The following PTPRN2 variants were observed in gnomAD, a reference collection of about 807,000 sequenced individuals.
PTPRN2 encodes the protein protein tyrosine phosphatase receptor type N2.
Under a neutral mutation model 118.8 loss-of-function variants are expected in PTPRN2, and 74 were observed. That is an observed-to-expected ratio of 0.62 (90% CI 0.52 to 0.76). The LOEUF (loss-of-function observed/expected upper bound fraction) is 0.76, where lower values mean the gene tolerates loss of function less well. Ranked by LOEUF, PTPRN2 falls within the 30% of genes least tolerant of loss-of-function variation. The pLI is 0.00. For synonymous variants in PTPRN2, 641 were observed against 608.0 expected (o/e 1.05, Z -0.80); for missense variants, 1,481 against 1,394.4 (o/e 1.06, Z -0.99).
chr7:158,348,553 G>C (rs796666501), intron 2 of PTPRN2, among the ~76,000 whole-genome samples: 1 of 152,070 alleles, frequency 6.6e-6, no homozygotes, highest in Non-Finnish European at 1.5e-5. Flanking sequence ...TATGCCCCAC[G>C]TGAGTCTGTG....
rs1425172697 is a variant in PTPRN2 at position 157,676,296 on chromosome 7, C to G, written c.2001+6429G>C. On this transcript the variant is annotated intron_variant, in intron 13 of 22. Coordinates refer to ENST00000389418, the MANE Select transcript of PTPRN2 (RefSeq NM_002847.5). The surrounding 1 kb of genome is among the most constrained non-coding windows in gnomAD (Gnocchi z 5.6). ...GGCTCCAGCACCTGCCCCAGCCACGCCTCCATCTCCCGCCAGCCGCCAAGA... is the reference window on the plus strand; with the variant it reads ...GGCTCCAGCACCTGCCCCAGCCACGGCTCCATCTCCCGCCAGCCGCCAAGA... 6.6e-6 allele frequency among the ~76,000 whole-genome samples: 1 copy of G among 152,138 alleles called. No homozygotes were observed. Among genetic ancestry groups the G allele is most frequent in the Non-Finnish European group, 1.5e-5 (1 of 68,016 alleles).
At chr7:157,921,805 A>G (rs1027933401) in intron 11 of PTPRN2, among the ~76,000 whole-genome samples, 3 of 152,228 alleles carry the variant, frequency 2.0e-5, no homozygotes, top group Admixed American at 1.3e-4. Flanking sequence ...ACCCTGTCTC[A>G]GGAATTTTAT....
rs1487261240 is a variant in PTPRN2 at position 158,570,096 on chromosome 7, G to A, written c.112+17462C>T. ...CCCAGGCAGGGGGAAGCCCCGAGAA[G>A]CCGCCGCGCCGGGCTGAGATCGGGC... On this transcript the variant is annotated intron_variant, in intron 1 of 22. Transcript: ENST00000389418. The surrounding 1 kb of genome is among the most constrained non-coding windows in gnomAD (Gnocchi z 4.5). 6.6e-6 allele frequency among the ~76,000 whole-genome samples: 1 copy of A among 152,154 alleles called. No homozygotes were observed. The highest frequency in any genetic ancestry group is 2.1e-4 in the South Asian group (1 of 4,834).
Position 157,860,372 on chromosome 7 carries a change from G to A in PTPRN2, c.1788+38301C>T, listed in dbSNP as rs868265123. 9.2e-5 allele frequency among the ~76,000 whole-genome samples: 14 copies of A among 152,168 alleles called. No homozygotes were observed. The South Asian group carries it at 1.9e-3, about 20-fold the overall frequency. On this transcript the variant is annotated intron_variant, in intron 12 of 22. Coordinates refer to ENST00000389418, the MANE Select transcript of PTPRN2 (RefSeq NM_002847.5). Reference sequence around the variant, plus strand: ...ACCCCACAGTCCACCCACAGCCTTCGCGCCTCTCCAGGAGCTGGGCCACTT... The same window carrying A: ...ACCCCACAGTCCACCCACAGCCTTCACGCCTCTCCAGGAGCTGGGCCACTT...
At chr7:158,198,375 A>G (rs1826379857) in intron 4 of PTPRN2, among the ~76,000 whole-genome samples, 1 of 152,212 alleles carries the variant, frequency 6.6e-6, no homozygotes, top group Non-Finnish European at 1.5e-5. Context: ...CTTTAAAAAG[A>G]TGAAAAATGT....
At chr7:158,261,694 C>T (rs1797409943) in intron 3 of PTPRN2, among the ~76,000 whole-genome samples, 1 of 152,192 alleles carries the variant, frequency 6.6e-6, no homozygotes, top group African/African-American at 2.4e-5. Context: ...ACATGGGTCC[C>T]TGTCTGGGCA....
intron 11 of PTPRN2, among the ~76,000 whole-genome samples, chr7:157,902,664 G>A (rs771135230): frequency 6.6e-6 from 1 of 152,210 alleles, no homozygotes; most frequent in Admixed American, 6.5e-5. Flanking sequence ...AGTGTGACGC[G>A]CGTCAGGATT....
In PTPRN2 at chr7:158,555,413, C is replaced by T. The variant is rs774445880; in HGVS notation, c.112+32145G>A. 3.3e-5 allele frequency among the ~76,000 whole-genome samples: 5 copies of T among 152,186 alleles called. No homozygotes were observed. The highest frequency in any genetic ancestry group is 1.9e-4 in the East Asian group (1 of 5,180). On this transcript the variant is annotated intron_variant, in intron 1 of 22. Transcript: ENST00000389418. The surrounding 1 kb of genome is among the most constrained non-coding windows in gnomAD (Gnocchi z 4.7). ...GCTCAGTGGTGCCCCTCGCCCCCAC[C>T]GCTCTGCCCTGCCTTCCTCGCTGAA...
At chr7:157,570,607 C>G (rs532902118) in intron 20 of PTPRN2, among the ~76,000 whole-genome samples, 1 of 152,288 alleles carries the variant, frequency 6.6e-6, no homozygotes, top group East Asian at 1.9e-4. Context: ...GTTTTCTTTG[C>G]GTAAAATCTA....
chr7:157,923,590 A>T (rs1251464209), intron 11 of PTPRN2, among the ~76,000 whole-genome samples: 3 of 152,196 alleles, frequency 2.0e-5, no homozygotes, highest in East Asian at 3.9e-4. Context: ...ATTTGGGGGC[A>T]AACGTCCAAA....
chr7:158,256,603 C>T lies in PTPRN2; in HGVS notation c.278-51330G>A, dbSNP rs114776569. On this transcript the variant is annotated intron_variant, in intron 3 of 22. Transcript: ENST00000389418. ...GGGCGGGGGGGAACCTAGGCAGCTC[C>T]CGTGAGGACAAGTGATGACGGCAGA... 9.3e-3 allele frequency among the ~76,000 whole-genome samples: 1,413 copies of T among 152,098 alleles called. 25 individuals carry two copies. The highest frequency in any genetic ancestry group is 0.033 in the African/African-American group (1,352 of 41,464).
At chr7:158,164,934 C>A (rs1053422797) in intron 6 of PTPRN2, among the ~76,000 whole-genome samples, 3 of 152,030 alleles carry the variant, frequency 2.0e-5, no homozygotes, top group Non-Finnish European at 4.4e-5. Context: ...TGGAGGAGAA[C>A]AGGAAGCTCG....
chr7:157,676,361 T>G lies in PTPRN2; in HGVS notation c.2001+6364A>C, dbSNP rs1796668514. On this transcript the variant is annotated intron_variant, in intron 13 of 22. Transcript: ENST00000389418. The surrounding 1 kb of genome is among the most constrained non-coding windows in gnomAD (Gnocchi z 5.6). Reference sequence around the variant, plus strand: ...CTGGCCCAGCCCCTCCTCTGTCATCTCCAAGGATTTGATTTCAGTTTCACA... The same window carrying G: ...CTGGCCCAGCCCCTCCTCTGTCATCGCCAAGGATTTGATTTCAGTTTCACA... Among the ~76,000 whole-genome samples the G allele has an allele frequency of 6.6e-6, 1 of 152,066 alleles. No homozygotes were observed. The highest frequency in any genetic ancestry group is 2.4e-5 in the African/African-American group (1 of 41,398).
intron 2 of PTPRN2, among the ~76,000 whole-genome samples, chr7:158,359,690 T>G (rs1219426317): frequency 6.6e-6 from 1 of 152,202 alleles, no homozygotes; most frequent in Non-Finnish European, 1.5e-5. Flanking sequence ...GCACAGTAGC[T>G]GACAAACATT....
intron 12 of PTPRN2, among the ~76,000 whole-genome samples, chr7:157,823,704 T>A (rs1456810063): frequency 6.6e-6 from 1 of 152,210 alleles, no homozygotes; most frequent in Admixed American, 6.5e-5. Flanking sequence ...ATTTTCTCAC[T>A]CATTGGCTAG....
intron 2 of PTPRN2, among the ~76,000 whole-genome samples, chr7:158,334,559 TA>T (rs1448992603): frequency 1.9e-5 from 2 of 105,800 alleles, no homozygotes; most frequent in East Asian, 3.0e-4. Context: ...ACTCTCACCA[TA>T]AGAGCTCTCG....
chr7:157,899,682 G>C (rs566744589), intron 11 of PTPRN2, among the ~76,000 whole-genome samples: 3 of 152,136 alleles, frequency 2.0e-5, no homozygotes, highest in African/African-American at 7.2e-5. Flanking sequence ...TTTCGGAGAG[G>C]GACGCGATGA....
At chr7:158,139,189 G>A (rs556001619) in intron 6 of PTPRN2, among the ~76,000 whole-genome samples, 3 of 152,162 alleles carry the variant, frequency 2.0e-5, no homozygotes, top group Admixed American at 6.5e-5. Flanking sequence ...TAGGGCAGTC[G>A]ATGATTAGAG....
chr7:157,786,811 C>T (rs1804068876), intron 12 of PTPRN2, among the ~76,000 whole-genome samples: 1 of 152,274 alleles, frequency 6.6e-6, no homozygotes, highest in Admixed American at 6.5e-5. Context: ...GTGGTTTCAT[C>T]ATCAGGTGGG....
Sources: allele counts gnomAD v4.1 joint callset (sites outside exome capture counted in the v4.1 genomes callset), GRCh38; gene constraint gnomAD v4.1.1; non-coding constraint Gnocchi (gnomAD v3.1); transcripts MANE v1.5; gene names NCBI Gene and HGNC (gene_info 2026-07-23, HGNC 2026-07-21).